Variants in DLGAP4 observed in about 807,000 individuals in gnomAD.
DLGAP4 encodes the protein DLG associated protein 4, also known as disks large-associated protein 4.
In DLGAP4, 18 loss-of-function variants were observed where a neutral mutation model predicts 86.9. The observed-to-expected ratio is 0.21, with a 90% CI of 0.14 to 0.31. The LOEUF is 0.31. Among genes scored for constraint, DLGAP4 ranks in the 10% least tolerant of loss-of-function variants. DLGAP4 has a pLI of 1.00. For missense variants in DLGAP4, 1,085 were observed against 1,362.6 expected (o/e 0.80, Z 3.21); for synonymous variants, 548 against 574.3 (o/e 0.95, Z 0.65).
intron 7 of DLGAP4, chr20:36,462,095 G>A: frequency 1.0e-6 from 1 of 995,016 alleles, no homozygotes. Context: ...AGTCGCTGGG[G>A]TCTCGCCTCC....
intron 7 of DLGAP4, among the ~76,000 whole-genome samples, chr20:36,485,853 T>A (rs1391729560): frequency 6.6e-6 from 1 of 152,210 alleles, no homozygotes; most frequent in Non-Finnish European, 1.5e-5. Flanking sequence ...CTCTGCCACT[T>A]TTCAGAAATG....
At chr20:36,353,060 T>C (rs1555893574) in intron 1 of DLGAP4, among the ~76,000 whole-genome samples, 1 of 152,186 alleles carries the variant, frequency 6.6e-6, no homozygotes, top group South Asian at 2.1e-4. Flanking sequence ...TCCTTGACTC[T>C]GGTGAATCAT....
intron 2 of DLGAP4, among the ~76,000 whole-genome samples, chr20:36,407,256 G>A (rs188889091): frequency 1.8e-4 from 28 of 152,240 alleles, no homozygotes; most frequent in Admixed American, 1.4e-3. Context: ...TGGGGGAACC[G>A]CTTGAGGCTG....
intron 1 of DLGAP4, among the ~76,000 whole-genome samples, chr20:36,315,245 T>A (rs921023369): frequency 1.3e-5 from 2 of 151,760 alleles, no homozygotes; most frequent in African/African-American, 4.9e-5. Context: ...CAGATGAATA[T>A]AAACTCACAT....
chr20:36,499,044 C>T (rs528919376), intron 8 of DLGAP4: 10 of 570,106 alleles, frequency 1.8e-5, no homozygotes, highest in East Asian at 3.0e-5. Flanking sequence ...CTAGAACTGC[C>T]GTCCAGGGTT....
chr20:36,406,636 T>A (rs942395405), intron 2 of DLGAP4, among the ~76,000 whole-genome samples: 3 of 152,068 alleles, frequency 2.0e-5, no homozygotes, highest in African/African-American at 7.2e-5. Context: ...GTGCAGCTCA[T>A]AGCAGTATGT....
Position 36,432,863 on chromosome 20 carries a change from C to A in DLGAP4, c.999+147C>A. Reference sequence around the variant, plus strand: ...TATAAAATGGGTGGCCTAGTGGTACCTGCTAATCAGGGAGTCCTTCCACTG... The same window carrying A: ...TATAAAATGGGTGGCCTAGTGGTACATGCTAATCAGGGAGTCCTTCCACTG... On this transcript the variant is annotated intron_variant, in intron 3 of 12. Coordinates refer to ENST00000339266, the MANE Select transcript of DLGAP4 (RefSeq NM_001365621.2). This position sits in a 1 kb window ranked among gnomAD's most constrained non-coding sequence, Gnocchi z 6.5. 1 of 1,033,256 alleles carries A rather than the reference C, an allele frequency of 9.7e-7. No homozygotes were observed. The highest frequency in any genetic ancestry group is 1.6e-5 in the South Asian group (1 of 60,894). The allele number at this position is 1,033,256 out of a possible 1,614,324, so 64.0% of individuals were successfully genotyped here. A position where few individuals can be genotyped will look rare whatever the true frequency, so the allele number is the denominator to read the frequency against.
At chr20:36,466,467 G>A (rs1477048508) in intron 7 of DLGAP4, among the ~76,000 whole-genome samples, 2 of 152,200 alleles carry the variant, frequency 1.3e-5, no homozygotes, top group Admixed American at 6.5e-5. Context: ...GGTGCAGGCT[G>A]TGGAATTGAA....
At chr20:36,382,378 T>A (rs2031425824) in intron 2 of DLGAP4, among the ~76,000 whole-genome samples, 1 of 151,372 alleles carries the variant, frequency 6.6e-6, no homozygotes, top group African/African-American at 2.4e-5. Context: ...GTGCCTGGCC[T>A]TTTTTAGGGG....
chr20:36,518,650 A>C (rs1600707245), intron 10 of DLGAP4, among the ~76,000 whole-genome samples: 1 of 152,052 alleles, frequency 6.6e-6, no homozygotes, highest in East Asian at 1.9e-4. Flanking sequence ...TTATGTTTTC[A>C]TTACTGGTTT....
intron 10 of DLGAP4, 46 bp from the exon 11 acceptor site, chr20:36,524,204 C>T (rs375787004): frequency 1.3e-6 from 2 of 1,517,742 alleles, no homozygotes; most frequent in South Asian, 1.1e-5. Context: ...TCCCACCAAA[C>T]CCTGTGCTGT....
intron 7 of DLGAP4, among the ~76,000 whole-genome samples, chr20:36,457,989 G>T (rs374810090): frequency 6.6e-6 from 1 of 152,114 alleles, no homozygotes; most frequent in Non-Finnish European, 1.5e-5. Flanking sequence ...CGCTCCAGGC[G>T]GGGGGTGAGT....
At chr20:36,377,969 C>A (rs1239104914) in intron 2 of DLGAP4, among the ~76,000 whole-genome samples, 1 of 152,214 alleles carries the variant, frequency 6.6e-6, no homozygotes, top group Non-Finnish European at 1.5e-5. Flanking sequence ...CCCTGCTACT[C>A]CTCGGGCCTG....
At chr20:36,355,298 CT>C (rs530582187) in intron 1 of DLGAP4, among the ~76,000 whole-genome samples, 661 of 134,790 alleles carry the variant, frequency 4.9e-3, no homozygotes, top group Middle Eastern at 7.8e-3. Context: ...TTCTTTCTTT[CT>C]TTTTTTTTTT....
rs755772938 is a variant in DLGAP4 at position 36,432,339 on chromosome 20, G to A, written c.622G>A (p.Asp208Asn). 16 of 1,613,744 alleles carry A rather than the reference G, an allele frequency of 9.9e-6. No individual in the cohort carries two copies. The highest frequency in any genetic ancestry group is 3.3e-5 in the South Asian group (3 of 91,082). Residue 208 changes from aspartate (D) to asparagine (N), a missense_variant, in exon 3 of 13, where the codon GAT (aspartate) becomes AAT (asparagine). Coordinates refer to ENST00000339266, the MANE Select transcript of DLGAP4 (RefSeq NM_001365621.2). This position sits in a 1 kb window ranked among gnomAD's most constrained non-coding sequence, Gnocchi z 6.5. ...CAACATCTCAGGCTGGTGGAGCTCC[G>A]ATGACAACTTGGACGGCGAGGCCGG... The part of the protein sequence containing the change: ...RSNISGWWSS[D>N]DNLDGEAGAF...
At chr20:36,519,310 CA>C (rs1440968427) in intron 10 of DLGAP4, among the ~76,000 whole-genome samples, 3 of 151,984 alleles carry the variant, frequency 2.0e-5, no homozygotes, top group Non-Finnish European at 4.4e-5. Flanking sequence ...GTATGATACC[CA>C]GTCAGTTCTT....
At chr20:36,522,444 A>G (rs1183478999) in intron 10 of DLGAP4, among the ~76,000 whole-genome samples, 1 of 152,114 alleles carries the variant, frequency 6.6e-6, no homozygotes, top group Non-Finnish European at 1.5e-5. Flanking sequence ...TATAGGTCTG[A>G]GCCACTATGC....
At chr20:36,332,960 T>C (rs2065284966) in intron 1 of DLGAP4, among the ~76,000 whole-genome samples, 1 of 152,196 alleles carries the variant, frequency 6.6e-6, no homozygotes, top group South Asian at 2.1e-4. Context: ...GCTCTTTCTT[T>C]CCTTCCAAGA....
At chr20:36,523,288 C>T (rs116465134) in intron 10 of DLGAP4, among the ~76,000 whole-genome samples, 3,636 of 152,168 alleles carry the variant, frequency 0.024, 148 homozygotes, top group African/African-American at 0.081. Flanking sequence ...AGCCACTATG[C>T]CCGGCTGATG....
Sources: gnomAD v4.1 joint callset for allele counts (sites outside exome capture counted in the v4.1 genomes callset) on GRCh38, gnomAD v4.1.1 for gene constraint, Gnocchi (gnomAD v3.1) non-coding constraint, MANE v1.5 for transcripts, NCBI Gene and HGNC (gene_info 2026-07-23, HGNC 2026-07-21) for gene names.